Variants in RTN1 observed in about 807,000 individuals in gnomAD.
RTN1 encodes the protein reticulon 1.
RTN1 carries 25 observed loss-of-function variants against 65.5 expected under a neutral mutation model. The ratio of observed to expected loss-of-function variants is 0.38; its 90% CI spans 0.28 to 0.53. RTN1 has a LOEUF of 0.53. Ranked by LOEUF, RTN1 falls within the 20% of genes least tolerant of loss-of-function variation. The pLI, the probability that RTN1 is intolerant of heterozygous loss-of-function variation, is 0.79. For synonymous variants in RTN1, 471 were observed against 447.6 expected, an observed-to-expected ratio of 1.05 and a Z score of -0.66; for missense variants, 983 against 1,025.4, an observed-to-expected ratio of 0.96 and a Z score of 0.57.
chr14:59,739,055 C>G (rs1413627791), intron 2 of RTN1, among the ~76,000 whole-genome samples: 1 of 151,968 alleles, frequency 6.6e-6, no homozygotes, highest in Admixed American at 6.6e-5. Flanking sequence ...GGGTGCTGGG[C>G]TTAACTCCTA....
At chr14:59,772,886 C>T (rs774345782) in intron 1 of RTN1, among the ~76,000 whole-genome samples, 1 of 151,990 alleles carries the variant, frequency 6.6e-6, no homozygotes, top group Non-Finnish European at 1.5e-5. Flanking sequence ...TTCTAAAATC[C>T]TGTGGCTGTG....
At chr14:59,759,165 T>C (rs11849955) in intron 1 of RTN1, among the ~76,000 whole-genome samples, 151,696 of 152,328 alleles carry the variant, frequency 1, 75,551 homozygotes, top group Middle Eastern at 1. Flanking sequence ...AGAGTTTCTT[T>C]AGGTCATCTA....
At chr14:59,658,073 C>T (rs1883161358) in intron 3 of RTN1, among the ~76,000 whole-genome samples, 1 of 152,208 alleles carries the variant, frequency 6.6e-6, no homozygotes, top group Non-Finnish European at 1.5e-5. Flanking sequence ...GGGCATCCGC[C>T]ATTACTGAGG....
chr14:59,770,378 C>CAAAAAAAA lies in RTN1; in HGVS notation c.242-23905_242-23898dup, dbSNP rs774086177. Among the ~76,000 whole-genome samples, 21 of 53,718 alleles carry CAAAAAAAA rather than the reference C, an allele frequency of 3.9e-4. 1 individual carries two copies. Among genetic ancestry groups the CAAAAAAAA allele is most frequent in the Non-Finnish European group, 6.4e-4 (19 of 29,538 alleles). 35.2% of individuals were successfully genotyped at this position (53,718 alleles called of 152,430 possible). A position where few individuals can be genotyped will look rare whatever the true frequency, so the allele number is the denominator to read the frequency against. ...GGGGAACAAGAGTGAAACTCTGCCT[C>CAAAAAAAA]AAAAAAAAAAAAAAAAAAAAAAAAA... On this transcript the variant is annotated intron_variant, in intron 1 of 8. Transcript: ENST00000267484.
rs765782870 is a variant in RTN1, at chr14:59,641,132, T to TG, written c.1766-33641dup. ...TGCCACCGCACGTGGCTAATTTTTT[T>TG]GGGGGGGGTATTTTTTGTAGAGATG... On this transcript the variant is annotated intron_variant, in intron 3 of 8. Transcript: ENST00000267484. Among the ~76,000 whole-genome samples the TG allele has an allele frequency of 1.0e-3, 154 of 151,328 alleles. 2 individuals carry two copies. The highest frequency in any genetic ancestry group is 0.01 in the East Asian group (52 of 5,122).
rs1325500166 is a variant in RTN1, at chr14:59,749,571, A to G, written c.242-3090T>C. 6.0e-5 allele frequency among the ~76,000 whole-genome samples: 3 copies of G among 49,934 alleles called. 1 individual carries two copies. Among genetic ancestry groups the G allele is most frequent in the Non-Finnish European group, 9.0e-5 (3 of 33,284 alleles). The allele number at this position is 49,934 out of a possible 152,430, so 32.8% of individuals were successfully genotyped here. A position where few individuals can be genotyped will look rare whatever the true frequency, so the allele number is the denominator to read the frequency against. ...TTTATATAGATATCTATATATAGAT[A>G]TATATATATAGATATTTATATATAT... On this transcript the variant is annotated intron_variant, in intron 1 of 8. Transcript: ENST00000267484.
intron 1 of RTN1, among the ~76,000 whole-genome samples, chr14:59,787,247 A>G (rs1886265899): frequency 6.6e-6 from 1 of 152,158 alleles, no homozygotes; most frequent in South Asian, 2.1e-4. Context: ...GTGGTGTAAC[A>G]GCTGTCAAAA....
intron 1 of RTN1, among the ~76,000 whole-genome samples, chr14:59,764,003 C>T (rs1045441787): frequency 6.6e-6 from 1 of 152,038 alleles, no homozygotes; most frequent in Non-Finnish European, 1.5e-5. Context: ...TTTGAAAATA[C>T]GTGTGATTTT....
At chr14:59,612,788 T>C (rs1881993423) in intron 3 of RTN1, among the ~76,000 whole-genome samples, 1 of 152,198 alleles carries the variant, frequency 6.6e-6, no homozygotes, top group African/African-American at 2.4e-5. Context: ...AGGACAGGAA[T>C]TTTGGGGTTC....
intron 2 of RTN1, among the ~76,000 whole-genome samples, chr14:59,739,733 AG>A (rs1198418308): frequency 6.6e-6 from 1 of 152,146 alleles, no homozygotes; most frequent in Non-Finnish European, 1.5e-5. Flanking sequence ...TGAGAAAAAG[AG>A]GGGTTTCAAA....
intron 1 of RTN1, among the ~76,000 whole-genome samples, chr14:59,854,876 T>C (rs1254833812): frequency 3.3e-5 from 5 of 152,134 alleles, no homozygotes; most frequent in African/African-American, 1.2e-4. Flanking sequence ...AGATTAAGGA[T>C]AGGATTAAAT....
chr14:59,747,952 C>G (rs562419082), intron 1 of RTN1, among the ~76,000 whole-genome samples: 2 of 152,114 alleles, frequency 1.3e-5, no homozygotes, highest in Non-Finnish European at 2.9e-5. Context: ...AGCTAACATG[C>G]GAGTGCTTGC....
chr14:59,790,770 T>C lies in RTN1; in HGVS notation c.242-44289A>G, dbSNP rs967183796. ...CCTACCCCAGATATACTGATTTTTC[T>C]TTGGCTGTATCATCTTTGAGTTTTG... On this transcript the variant is annotated intron_variant, in intron 1 of 8. Coordinates refer to ENST00000267484, the MANE Select transcript of RTN1 (RefSeq NM_021136.3). This position sits in a 1 kb window ranked among gnomAD's most constrained non-coding sequence, Gnocchi z 4.1. 6.6e-6 allele frequency among the ~76,000 whole-genome samples: 1 copy of C among 152,198 alleles called. No individual in the cohort carries two copies. Among genetic ancestry groups the C allele is most frequent in the African/African-American group, 2.4e-5 (1 of 41,466 alleles).
intron 3 of RTN1, among the ~76,000 whole-genome samples, chr14:59,644,007 C>A (rs760574885): frequency 6.6e-6 from 1 of 152,114 alleles, no homozygotes; most frequent in Non-Finnish European, 1.5e-5. Flanking sequence ...CATTTAAAGA[C>A]TTTGTGAAAA....
At chr14:59,747,744 T>C (rs1360299172) in intron 1 of RTN1, among the ~76,000 whole-genome samples, 1 of 152,186 alleles carries the variant, frequency 6.6e-6, no homozygotes, top group Non-Finnish European at 1.5e-5. Context: ...AGCAGTGGGA[T>C]TTTTAATCTA....
chr14:59,750,245 C>CTATAATATATATATTATAGA (rs1566713448), intron 1 of RTN1, among the ~76,000 whole-genome samples: 1 of 40,080 alleles, frequency 2.5e-5, no homozygotes, highest in African/African-American at 1.6e-4. Flanking sequence ...TATATTATAT[C>CTATAATATATATATTATAGA]TATAATATAT....
rs770484962 is a variant in RTN1 at position 59,746,415 on chromosome 14, G to A, written c.308C>T (p.Ser103Leu). ...GTCAGAAATGAGAGATGTGTAACAC[G>A]ATCCTTCCCCATCTTTTGATGTTGT... ...FSTTSKDGEG[S>L]CYTSLISDIC... Residue 103 changes from serine to leucine, a missense_variant, in exon 2 of 9, where the codon TCG (serine) becomes TTG (leucine). This residue lies in a region of RTN1 where 818 missense variants were observed against 801.8 expected (regional missense o/e 1.02). Transcript: ENST00000267484. The A allele has an allele frequency of 8.1e-6, 13 of 1,613,028 alleles. No homozygotes were observed. Among genetic ancestry groups the A allele is most frequent in the African/African-American group, 4.0e-5 (3 of 74,882 alleles).
intron 1 of RTN1, among the ~76,000 whole-genome samples, chr14:59,818,034 C>G (rs1241978963): frequency 6.6e-6 from 1 of 152,086 alleles, no homozygotes; most frequent in Non-Finnish European, 1.5e-5. Context: ...TCCCACATTC[C>G]CCACTCAAGT....
rs149366186 is a variant in RTN1 at position 59,678,688 on chromosome 14, C to T, written c.1765+48231G>A. Among the ~76,000 whole-genome samples, 272 of 152,294 alleles carry T rather than the reference C, an allele frequency of 1.8e-3. 1 individual carries two copies. The highest frequency in any genetic ancestry group is 6.0e-3 in the African/African-American group (248 of 41,548). On this transcript the variant is annotated intron_variant, in intron 3 of 8. Transcript: ENST00000267484. ...CAGGCCTCCCTTCTCACTACTGCCC[C>T]TTCCTCAACCTCCACTGTCCCCATT...
Sources: allele counts gnomAD v4.1 joint callset (sites outside exome capture counted in the v4.1 genomes callset), GRCh38; gene constraint gnomAD v4.1.1; regional missense constraint gnomAD v4.1.1; non-coding constraint Gnocchi (gnomAD v3.1); transcripts MANE v1.5; gene names NCBI Gene and HGNC (gene_info 2026-07-23, HGNC 2026-07-21).